TOP1: variants seen among roughly 807,000 people sequenced by gnomAD.
TOP1 encodes the protein DNA topoisomerase 1.
TOP1 carries 10 observed loss-of-function variants against 111.1 expected under a neutral mutation model. The observed-to-expected ratio is 0.09, with a 90% CI of 0.06 to 0.15. The LOEUF (loss-of-function observed/expected upper bound fraction) is 0.15, where lower values mean the gene tolerates loss of function less well. Among genes scored for constraint, TOP1 ranks in the 10% least tolerant of loss-of-function variants. The pLI is 1.00. For missense variants in TOP1, 474 were observed against 926.7 expected, an observed-to-expected ratio of 0.51 and a Z score of 6.34; for synonymous variants, 271 against 302.9, an observed-to-expected ratio of 0.89 and a Z score of 1.10.
At position 41,029,920 on chromosome 20, in the gene TOP1, G is replaced by A. The variant is rs183710027; in HGVS notation, c.58+465G>A. On this transcript the variant is annotated intron_variant, in intron 2 of 20. Transcript: ENST00000361337. The surrounding 1 kb of genome is among the most constrained non-coding windows in gnomAD (Gnocchi z 6.1). Reference sequence around the variant, plus strand: ...CTTCACCAGAGAGGGAAGGCTGGGGGACTGAATTATTATTTTTTAAACTTT... The same window carrying A: ...CTTCACCAGAGAGGGAAGGCTGGGGAACTGAATTATTATTTTTTAAACTTT... Among the ~76,000 whole-genome samples, 1 of 152,222 alleles carries A rather than the reference G, an allele frequency of 6.6e-6. No individual in the cohort carries two copies. The highest frequency in any genetic ancestry group is 2.4e-5 in the African/African-American group (1 of 41,458).
chr20:41,092,970 C>T lies in TOP1; in HGVS notation c.730+383C>T, dbSNP rs1216368292. Among the ~76,000 whole-genome samples the T allele has an allele frequency of 2.6e-5, 4 of 152,190 alleles. No individual in the cohort carries two copies. Among genetic ancestry groups the T allele is most frequent in the African/African-American group, 9.6e-5 (4 of 41,454 alleles). On this transcript the variant is annotated intron_variant, in intron 9 of 20. Transcript: ENST00000361337. This position sits in a 1 kb window ranked among gnomAD's most constrained non-coding sequence, Gnocchi z 4.3. ...TATGTTAGCAATATAACAATGCAAT[C>T]GGACAAGCTGCTCATCACTAGAAAC... is the stretch of plus-strand genomic sequence containing the variant.
intron 9 of TOP1, among the ~76,000 whole-genome samples, chr20:41,093,442 C>T (rs1203645992): frequency 1.3e-5 from 2 of 151,846 alleles, no homozygotes; most frequent in Admixed American, 6.6e-5. Flanking sequence ...TCCCCTTTCC[C>T]AACCATCCTT....
chr20:41,043,223 G>A (rs903288243), intron 2 of TOP1, among the ~76,000 whole-genome samples: 1 of 152,204 alleles, frequency 6.6e-6, no homozygotes, highest in African/African-American at 2.4e-5. Flanking sequence ...GTGTCTACCA[G>A]GTGATCAGAT....
intron 9 of TOP1, among the ~76,000 whole-genome samples, chr20:41,096,663 T>C (rs1040447313): frequency 3.3e-5 from 5 of 152,238 alleles, no homozygotes; most frequent in East Asian, 1.9e-4. Flanking sequence ...GAAGGTCTTA[T>C]TAGGCTTTTC....
chr20:41,113,791 G>A (rs2034283624), intron 14 of TOP1, among the ~76,000 whole-genome samples, 179 bp from the exon 15 acceptor site: 1 of 150,876 alleles, frequency 6.6e-6, no homozygotes, highest in African/African-American at 2.4e-5. Flanking sequence ...GCTGAGGCAG[G>A]AGAATGGCAT....
intron 2 of TOP1, among the ~76,000 whole-genome samples, chr20:41,042,800 GTATGT>G (rs1423960480): frequency 2.0e-5 from 3 of 152,110 alleles, no homozygotes; most frequent in African/African-American, 7.2e-5. Context: ...CACACATTTT[GTATGT>G]TATATGTATT....
intron 3 of TOP1, chr20:41,072,564 G>C: frequency 1.0e-6 from 1 of 985,416 alleles, no homozygotes; most frequent in Non-Finnish European, 1.2e-6. Context: ...CATAGGACTT[G>C]TTCCCCAGCG....
At chr20:41,062,333 G>T (rs563853840) in intron 3 of TOP1, among the ~76,000 whole-genome samples, 108 of 152,288 alleles carry the variant, frequency 7.1e-4, no homozygotes, top group African/African-American at 2.2e-3. Flanking sequence ...ATTGTCTGTA[G>T]ACAAGTTAAA....
chr20:41,037,967 A>G lies in TOP1; in HGVS notation c.58+8512A>G, dbSNP rs535037122. 2.6e-3 allele frequency among the ~76,000 whole-genome samples: 402 copies of G among 152,352 alleles called. 3 individuals are homozygous for G. Among genetic ancestry groups the G allele is most frequent in the African/African-American group, 8.9e-3 (368 of 41,574 alleles). ...TTTTAAAGAGTCTTCAAAGATAAAC[A>G]TATCAGGAAAAATATAGCTCATAAA... is the stretch of plus-strand genomic sequence containing the variant. On this transcript the variant is annotated intron_variant, in intron 2 of 20. Transcript: ENST00000361337.
At position 41,029,851 on chromosome 20, in the gene TOP1, C is replaced by T. The variant is rs1248576688; in HGVS notation, c.58+396C>T. ...CTCCCTCGGCTCTTTCCTTGAGCTG[C>T]CCAGAATGAGCTTTCTGCAGAGCAA... On this transcript the variant is annotated intron_variant, in intron 2 of 20. Coordinates refer to ENST00000361337, the MANE Select transcript of TOP1 (RefSeq NM_003286.4). This position sits in a 1 kb window ranked among gnomAD's most constrained non-coding sequence, Gnocchi z 6.1. 7.7e-6 allele frequency: 2 copies of T among 259,074 alleles called. No homozygotes were observed. The highest frequency in any genetic ancestry group is 1.5e-5 in the Non-Finnish European group (2 of 130,658). 16.0% of individuals were successfully genotyped at this position (259,074 alleles called of 1,614,324 possible). A position where few individuals can be genotyped will look rare whatever the true frequency, so the allele number is the denominator to read the frequency against.
Position 41,118,567 on chromosome 20 carries a change from T to C in TOP1, c.1950+271T>C, listed in dbSNP as rs538195433. Among the ~76,000 whole-genome samples the C allele has an allele frequency of 1.1e-3, 171 of 152,372 alleles. No individual in the cohort carries two copies. Among genetic ancestry groups the C allele is most frequent in the African/African-American group, 4.0e-3 (166 of 41,590 alleles). On this transcript the variant is annotated intron_variant, in intron 18 of 20. Coordinates refer to ENST00000361337, the MANE Select transcript of TOP1 (RefSeq NM_003286.4). The surrounding 1 kb of genome is among the most constrained non-coding windows in gnomAD (Gnocchi z 4.6). ...GAAAAACTAACTTTGGTGTACATTCTAATTGCTAATTACTGTCCTTATTGT... is the reference window on the plus strand; with the variant it reads ...GAAAAACTAACTTTGGTGTACATTCCAATTGCTAATTACTGTCCTTATTGT...
rs746120380 is a variant in TOP1, at chr20:41,029,494, C to A, written c.58+39C>A. 1.3e-5 allele frequency: 20 copies of A among 1,524,878 alleles called. 1 individual carries two copies. The Admixed American group carries it at 4.0e-4, about 30-fold the overall frequency. The allele number at this position is 1,524,878 out of a possible 1,614,324, so 94.5% of individuals were successfully genotyped here. ...CTGCGCCGACTCCGGGGCCCCCCAG[C>A]CGCCGGCCGCCTCCCCCGCGCCCTG... On this transcript the variant is annotated intron_variant, in intron 2 of 20. Coordinates refer to ENST00000361337, the MANE Select transcript of TOP1 (RefSeq NM_003286.4). The surrounding 1 kb of genome is among the most constrained non-coding windows in gnomAD (Gnocchi z 6.1).
Position 41,079,997 on chromosome 20 carries a change from T to A in TOP1, c.336-88T>A. Reference sequence around the variant, plus strand: ...GTGGTTATCCTTATTTCTGTTAGCTTCTTTTCAACGAAATGACATATTCCT... The same window carrying A: ...GTGGTTATCCTTATTTCTGTTAGCTACTTTTCAACGAAATGACATATTCCT... On this transcript the variant is annotated intron_variant, in intron 5 of 20. Transcript: ENST00000361337. The surrounding 1 kb of genome is among the most constrained non-coding windows in gnomAD (Gnocchi z 4.0). 1.2e-6 allele frequency: 1 copy of A among 825,078 alleles called. No homozygotes were observed. Among genetic ancestry groups the A allele is most frequent in the Non-Finnish European group, 2.0e-6 (1 of 497,630 alleles). The allele number at this position is 825,078 out of a possible 1,614,324, so 51.1% of individuals were successfully genotyped here.
In TOP1 at chr20:41,079,956, T is replaced by A. The variant is rs1258243648; in HGVS notation, c.336-129T>A. Reference sequence around the variant, plus strand: ...AGTGAGAAAAAGTGCTCACAGAACATCTTCATGATATGTACGTGGTTATCC... The same window carrying A: ...AGTGAGAAAAAGTGCTCACAGAACAACTTCATGATATGTACGTGGTTATCC... On this transcript the variant is annotated intron_variant, in intron 5 of 20. Coordinates refer to ENST00000361337, the MANE Select transcript of TOP1 (RefSeq NM_003286.4). The surrounding 1 kb of genome is among the most constrained non-coding windows in gnomAD (Gnocchi z 4.0). 1 of 643,654 alleles carries A rather than the reference T, an allele frequency of 1.6e-6. No individual in the cohort carries two copies. Among genetic ancestry groups the A allele is most frequent in the Non-Finnish European group, 2.8e-6 (1 of 362,640 alleles). 39.9% of individuals were successfully genotyped at this position (643,654 alleles called of 1,614,324 possible). A position where few individuals can be genotyped will look rare whatever the true frequency, so the allele number is the denominator to read the frequency against.
rs537334153 is a variant in TOP1, at chr20:41,102,810, G to A, written c.1308+1457G>A. ...GTTTTAGCCCTTAAGGAACTTATAG[G>A]CTGGTGGGCAAATCAGGTAAGAATT... On this transcript the variant is annotated intron_variant, in intron 13 of 20. Coordinates refer to ENST00000361337, the MANE Select transcript of TOP1 (RefSeq NM_003286.4). This position sits in a 1 kb window ranked among gnomAD's most constrained non-coding sequence, Gnocchi z 4.0. 6.6e-6 allele frequency among the ~76,000 whole-genome samples: 1 copy of A among 152,216 alleles called. No homozygotes were observed. Among genetic ancestry groups the A allele is most frequent in the African/African-American group, 2.4e-5 (1 of 41,546 alleles).
Position 41,092,451 on chromosome 20 carries a change from G to C in TOP1, c.615-21G>C. 8.0e-7 allele frequency: 1 copy of C among 1,254,654 alleles called. No individual in the cohort carries two copies. Among genetic ancestry groups the C allele is most frequent in the Non-Finnish European group, 1.1e-6 (1 of 886,500 alleles). The allele number at this position is 1,254,654 out of a possible 1,614,324, so 77.7% of individuals were successfully genotyped here. A position where few individuals can be genotyped will look rare whatever the true frequency, so the allele number is the denominator to read the frequency against. On this transcript the variant is annotated intron_variant, in intron 8 of 20. Transcript: ENST00000361337. The surrounding 1 kb of genome is among the most constrained non-coding windows in gnomAD (Gnocchi z 4.3). Reference sequence around the variant, plus strand: ...TTAGACAAGGCGATCACTAAATGAGGCTGTGCTTTGTCTTTTAAAGGTGGG... The same window carrying C: ...TTAGACAAGGCGATCACTAAATGAGCCTGTGCTTTGTCTTTTAAAGGTGGG...
intron 3 of TOP1, among the ~76,000 whole-genome samples, chr20:41,064,025 G>A (rs1244825097): frequency 6.6e-6 from 1 of 152,006 alleles, no homozygotes; most frequent in Middle Eastern, 3.2e-3. Flanking sequence ...TTGTCGTCTA[G>A]GGTTTTTAAC....
rs1017622069 is a variant in TOP1 at position 41,058,587 on chromosome 20, G to C, written c.59-2807G>C. On this transcript the variant is annotated intron_variant, in intron 2 of 20. Coordinates refer to ENST00000361337, the MANE Select transcript of TOP1 (RefSeq NM_003286.4). This position sits in a 1 kb window ranked among gnomAD's most constrained non-coding sequence, Gnocchi z 4.2. The stretch of plus-strand genomic sequence containing the variant: ...ACTGGCCTCCCCCAGAGCAAGGAGA[G>C]AGCAGGAAGGAAGATCTAATACCTT... Among the ~76,000 whole-genome samples, 2 of 152,322 alleles carry C rather than the reference G, an allele frequency of 1.3e-5. No homozygotes were observed. Among genetic ancestry groups the C allele is most frequent in the African/African-American group, 4.8e-5 (2 of 41,582 alleles).
chr20:41,031,462 T>G (rs924924667), intron 2 of TOP1, among the ~76,000 whole-genome samples: 1 of 152,228 alleles, frequency 6.6e-6, no homozygotes, highest in African/African-American at 2.4e-5. Context: ...GTGAGCTGGC[T>G]AGGTTATTGA....
Sources: gnomAD v4.1 joint callset for allele counts (sites outside exome capture counted in the v4.1 genomes callset) on GRCh38, gnomAD v4.1.1 for gene constraint, Gnocchi (gnomAD v3.1) non-coding constraint, MANE v1.5 for transcripts, NCBI Gene and HGNC (gene_info 2026-07-23, HGNC 2026-07-21) for gene names.